The following GRM8 variants were observed in gnomAD, a reference collection of about 807,000 sequenced individuals.
GRM8 encodes glutamate metabotropic receptor 8.
A neutral mutation model predicts 87.2 loss-of-function variants in GRM8; 47 were observed. That is an observed-to-expected ratio of 0.54 (90% CI 0.43 to 0.69). The LOEUF is 0.69. GRM8 is among the 30% of genes least tolerant of loss of function. The pLI is 0.00. For synonymous variants in GRM8, 396 were observed against 404.5 expected, an observed-to-expected ratio of 0.98 and a Z score of 0.25; for missense variants, 1,019 against 1,139.2, an observed-to-expected ratio of 0.89 and a Z score of 1.52.
At chr7:127,030,480 T>C (rs192486901) in intron 3 of GRM8, among the ~76,000 whole-genome samples, 68 of 152,264 alleles carry the variant, frequency 4.5e-4, no homozygotes, top group Non-Finnish European at 8.5e-4. Flanking sequence ...AAAGCCCCAA[T>C]TCTAGGACTA....
At chr7:127,173,335 G>T (rs552026303) in intron 2 of GRM8, among the ~76,000 whole-genome samples, 5 of 152,252 alleles carry the variant, frequency 3.3e-5, no homozygotes, top group African/African-American at 1.2e-4. Flanking sequence ...TTGAGAATTA[G>T]CCATGTGGAC....
chr7:127,069,059 G>A (rs1208057541), intron 3 of GRM8, among the ~76,000 whole-genome samples: 1 of 152,064 alleles, frequency 6.6e-6, no homozygotes, highest in Non-Finnish European at 1.5e-5. Context: ...CTCAGATTGG[G>A]GTTTCTGTTA....
At chr7:126,965,296 A>T (rs181185370) in intron 3 of GRM8, among the ~76,000 whole-genome samples, 45 of 152,288 alleles carry the variant, frequency 3.0e-4, no homozygotes, top group African/African-American at 9.1e-4. Context: ...GTACCCCAGA[A>T]CTTAAATTTT....
chr7:126,998,141 C>T (rs1451912537), intron 3 of GRM8, among the ~76,000 whole-genome samples: 3 of 151,812 alleles, frequency 2.0e-5, no homozygotes, highest in Non-Finnish European at 4.4e-5. Flanking sequence ...TATATCATAT[C>T]AACAGAATGA....
At chr7:127,148,347 G>A (rs1434673128) in intron 2 of GRM8, among the ~76,000 whole-genome samples, 7 of 151,728 alleles carry the variant, frequency 4.6e-5, no homozygotes, top group Admixed American at 3.9e-4. Flanking sequence ...ATGGACACGG[G>A]GAAATAGATA....
chr7:126,802,523 G>A (rs1339403163), intron 6 of GRM8, among the ~76,000 whole-genome samples: 2 of 152,028 alleles, frequency 1.3e-5, no homozygotes, highest in African/African-American at 2.4e-5. Context: ...ACAAGGGAAT[G>A]ATATTCAGCC....
chr7:126,628,310 G>C (rs1057359332), intron 7 of GRM8, among the ~76,000 whole-genome samples: 7 of 152,196 alleles, frequency 4.6e-5, no homozygotes, highest in African/African-American at 1.7e-4. Context: ...CTCCCAAAGT[G>C]CTAGGATTAC....
In GRM8 at chr7:126,609,349, T is replaced by C. The variant is rs369299378; in HGVS notation, c.1494+13A>G. The C allele has an allele frequency of 5.6e-6, 9 of 1,607,726 alleles. No homozygotes were observed. Among genetic ancestry groups the C allele is most frequent in the African/African-American group, 1.3e-5 (1 of 74,778 alleles). ...AGCTATATACATTAATATATGTTTA[T>C]GACGATACTTGCTTTTAGATGAAGC... On this transcript the variant is annotated intron_variant, in intron 8 of 10. Transcript: ENST00000339582.
At chr7:127,007,523 C>T (rs1435767217) in intron 3 of GRM8, among the ~76,000 whole-genome samples, 2 of 151,984 alleles carry the variant, frequency 1.3e-5, no homozygotes, top group Admixed American at 6.6e-5. Flanking sequence ...CTTTTGACTT[C>T]TAGCAATGTT....
intron 3 of GRM8, among the ~76,000 whole-genome samples, chr7:127,017,179 T>C (rs745428059): frequency 6.6e-6 from 1 of 152,130 alleles, no homozygotes; most frequent in Non-Finnish European, 1.5e-5. Flanking sequence ...TTTTCATCAA[T>C]ACTGCAGAAG....
At chr7:126,984,085 T>C (rs961458243) in intron 3 of GRM8, among the ~76,000 whole-genome samples, 5 of 152,246 alleles carry the variant, frequency 3.3e-5, no homozygotes, top group Non-Finnish European at 7.3e-5. Context: ...ATTGACTTCA[T>C]ATCCATATCA....
chr7:126,964,875 C>T (rs1344899970), intron 3 of GRM8, among the ~76,000 whole-genome samples: 1 of 152,140 alleles, frequency 6.6e-6, no homozygotes, highest in African/African-American at 2.4e-5. Context: ...TTTAATGTGG[C>T]ACTATTCCCA....
intron 3 of GRM8, among the ~76,000 whole-genome samples, chr7:127,095,123 C>G (rs1824514035): frequency 6.6e-6 from 1 of 152,142 alleles, no homozygotes; most frequent in African/African-American, 2.4e-5. Context: ...GGTCCAAAAC[C>G]AGGAGGCCAG....
intron 2 of GRM8, among the ~76,000 whole-genome samples, chr7:127,108,756 G>C (rs777096313): frequency 1.8e-4 from 27 of 152,060 alleles, no homozygotes; most frequent in African/African-American, 2.7e-4. Context: ...AGGTGTAAAG[G>C]GTATATAAAA....
At chr7:127,064,832 G>A (rs752023305) in intron 3 of GRM8, among the ~76,000 whole-genome samples, 8 of 152,156 alleles carry the variant, frequency 5.3e-5, no homozygotes, top group African/African-American at 1.4e-4. Flanking sequence ...ATCTCATACC[G>A]GTCAGAATGG....
intron 6 of GRM8, among the ~76,000 whole-genome samples, chr7:126,881,157 A>C (rs1188357797): frequency 1.3e-5 from 2 of 152,222 alleles, no homozygotes; most frequent in Non-Finnish European, 2.9e-5. Context: ...CAGAGTGTTC[A>C]AATAAAGAGA....
chr7:126,654,695 A>T (rs1462749407), intron 7 of GRM8, among the ~76,000 whole-genome samples: 1 of 152,206 alleles, frequency 6.6e-6, no homozygotes, highest in African/African-American at 2.4e-5. Context: ...ACTTTCAATA[A>T]CAATGTCATC....
At chr7:126,933,804 T>A (rs1806007459) in intron 3 of GRM8, among the ~76,000 whole-genome samples, 1 of 152,206 alleles carries the variant, frequency 6.6e-6, no homozygotes, top group Admixed American at 6.5e-5. Flanking sequence ...ACATCATCCA[T>A]GGACCCATGA....
chr7:126,824,506 T>A (rs919748168), intron 6 of GRM8, among the ~76,000 whole-genome samples: 9 of 152,168 alleles, frequency 5.9e-5, no homozygotes, highest in African/African-American at 1.9e-4. Flanking sequence ...GGGAGCCTTG[T>A]GAGTGGAGAA....
Sources: gnomAD v4.1 joint callset for allele counts (sites outside exome capture counted in the v4.1 genomes callset) on GRCh38, gnomAD v4.1.1 for gene constraint, MANE v1.5 for transcripts, NCBI Gene and HGNC (gene_info 2026-07-23, HGNC 2026-07-21) for gene names.